RBPMS: variants seen among roughly 807,000 people sequenced by gnomAD.
The protein encoded by RBPMS is RNA binding protein, mRNA processing factor, also known as RNA-binding protein with multiple splicing.
A neutral mutation model predicts 26.8 loss-of-function variants in RBPMS; 7 were observed. That is an observed-to-expected ratio of 0.26 (90% CI 0.15 to 0.49). RBPMS has a LOEUF of 0.49. RBPMS is among the 20% of genes least tolerant of loss of function. The pLI is 0.98. For synonymous variants in RBPMS, 96 were observed against 93.3 expected, an observed-to-expected ratio of 1.03 and a Z score of -0.17; for missense variants, 186 against 250.0, an observed-to-expected ratio of 0.74 and a Z score of 1.73.
intron 8 of RBPMS, among the ~76,000 whole-genome samples, chr8:30,568,867 G>C (rs1370321989): frequency 4.6e-5 from 7 of 152,186 alleles, no homozygotes; most frequent in Non-Finnish European, 1.0e-4. Flanking sequence ...GATCATCTGT[G>C]GTAGTGTGAC....
In RBPMS at chr8:30,527,881, T is replaced by C. The variant is rs961473733; in HGVS notation, c.398-16613T>C. Among the ~76,000 whole-genome samples the C allele has an allele frequency of 3.3e-5, 5 of 152,238 alleles. 1 individual carries two copies. Among genetic ancestry groups the C allele is most frequent in the Admixed American group, 6.5e-5 (1 of 15,296 alleles). ...TCCATGGTTATAATATCCTTAAAGA[T>C]AGGTTTAAAATGGGCCAGGCATGGT... On this transcript the variant is annotated intron_variant, in intron 5 of 8. Coordinates refer to ENST00000397323, the MANE Select transcript of RBPMS (RefSeq NM_001008710.3).
At chr8:30,548,580 T>C (rs191258694) in intron 6 of RBPMS, among the ~76,000 whole-genome samples, 3 of 152,340 alleles carry the variant, frequency 2.0e-5, no homozygotes, top group Admixed American at 6.5e-5. Flanking sequence ...ACAGACTGCC[T>C]GAGGACAAGG....
chr8:30,459,108 C>G (rs1237438838), intron 1 of RBPMS, among the ~76,000 whole-genome samples: 2 of 151,804 alleles, frequency 1.3e-5, no homozygotes, highest in East Asian at 1.9e-4. Context: ...GGATTACAGG[C>G]GTGCCACCAC....
At chr8:30,392,511 G>A (rs1454184048) in intron 1 of RBPMS, among the ~76,000 whole-genome samples, 1 of 152,216 alleles carries the variant, frequency 6.6e-6, no homozygotes, top group African/African-American at 2.4e-5. Context: ...TGGGGCACCA[G>A]GGTGGATGTG....
chr8:30,499,977 C>T (rs1820381384), intron 4 of RBPMS, among the ~76,000 whole-genome samples: 2 of 151,870 alleles, frequency 1.3e-5, no homozygotes, highest in Non-Finnish European at 2.9e-5. Context: ...ACTATGTCTG[C>T]AATTTTTCTG....
At position 30,391,529 on chromosome 8, in the gene RBPMS, A is replaced by G. The variant is rs1437960333; in HGVS notation, c.66+6371A>G. On this transcript the variant is annotated intron_variant, in intron 1 of 8. Transcript: ENST00000397323. ...AAAGCTGGTGCAGAAGTGGCTGCAT[A>G]GCTCAGTGGGCTTGAGGCCATCTGG... Among the ~76,000 whole-genome samples the G allele has an allele frequency of 2.0e-5, 3 of 152,218 alleles. No individual in the cohort carries two copies. In the South Asian group the frequency reaches 6.2e-4, roughly 31 times the overall value.
chr8:30,492,430 C>CG (rs556215782), intron 4 of RBPMS, among the ~76,000 whole-genome samples: 499 of 151,954 alleles, frequency 3.3e-3, no homozygotes, highest in Non-Finnish European at 5.4e-3. Flanking sequence ...GCTGACACCA[C>CG]GCTTGTCAAC....
chr8:30,438,237 A>T (rs1180286682), intron 1 of RBPMS, among the ~76,000 whole-genome samples: 3 of 152,176 alleles, frequency 2.0e-5, no homozygotes, highest in Non-Finnish European at 4.4e-5. Flanking sequence ...CGAGCAACAG[A>T]GTGAGCCAAT....
chr8:30,427,213 G>A (rs1194617211), intron 1 of RBPMS, among the ~76,000 whole-genome samples: 2 of 152,150 alleles, frequency 1.3e-5, no homozygotes, highest in Non-Finnish European at 2.9e-5. Context: ...GCATTTGAAA[G>A]TCTTCAGAAC....
At chr8:30,544,898 C>T (rs1825745725) in intron 6 of RBPMS, 5 of 1,483,962 alleles carry the variant, frequency 3.4e-6, no homozygotes, top group Non-Finnish European at 4.5e-6. Flanking sequence ...GAGACCGGGG[C>T]AGGTTTATCC....
chr8:30,424,471 A>C (rs761319789), intron 1 of RBPMS, among the ~76,000 whole-genome samples: 1 of 152,206 alleles, frequency 6.6e-6, no homozygotes, highest in Non-Finnish European at 1.5e-5. Context: ...GTCGGTCAAT[A>C]AGCCCAGCTT....
At chr8:30,485,093 G>GT (rs1487650719) in intron 4 of RBPMS, among the ~76,000 whole-genome samples, 1 of 152,208 alleles carries the variant, frequency 6.6e-6, no homozygotes, top group African/African-American at 2.4e-5. Context: ...AGACCGTTAA[G>GT]TATGGAGGGA....
intron 4 of RBPMS, among the ~76,000 whole-genome samples, chr8:30,490,104 G>A (rs1225046780): frequency 1.3e-5 from 2 of 152,136 alleles, no homozygotes; most frequent in East Asian, 1.9e-4. Context: ...GAGCCACCAC[G>A]CCCAGCCTCT....
intron 5 of RBPMS, among the ~76,000 whole-genome samples, chr8:30,523,979 G>A (rs2150992367): frequency 6.6e-6 from 1 of 152,134 alleles, no homozygotes; most frequent in African/African-American, 2.4e-5. Context: ...CATTCAATAT[G>A]TTCCCTCTCA....
At chr8:30,442,693 C>G (rs1044875730) in intron 1 of RBPMS, 1 of 152,126 alleles carries the variant, frequency 6.6e-6, no homozygotes, top group Non-Finnish European at 1.5e-5. Flanking sequence ...GGTGCGCGGC[C>G]GCACTTCTGG....
intron 1 of RBPMS, among the ~76,000 whole-genome samples, chr8:30,447,637 A>C (rs1814029060): frequency 6.6e-6 from 1 of 152,230 alleles, no homozygotes; most frequent in South Asian, 2.1e-4. Flanking sequence ...TATATTAAGA[A>C]GTGAAACATA....
At chr8:30,485,903 C>T (rs1818718457) in intron 4 of RBPMS, among the ~76,000 whole-genome samples, 2 of 152,120 alleles carry the variant, frequency 1.3e-5, no homozygotes, top group South Asian at 2.1e-4. Context: ...AACCTCCCTA[C>T]GATTATAATA....
At chr8:30,425,214 C>G (rs771680790) in intron 1 of RBPMS, among the ~76,000 whole-genome samples, 109 of 152,206 alleles carry the variant, frequency 7.2e-4, no homozygotes, top group Non-Finnish European at 1.3e-3. Context: ...GCCTTGGCCT[C>G]TCACTCAAAG....
intron 5 of RBPMS, among the ~76,000 whole-genome samples, chr8:30,512,658 C>T (rs189115413): frequency 6.6e-5 from 10 of 152,258 alleles, no homozygotes; most frequent in African/African-American, 2.4e-4. Flanking sequence ...GATGGGATCT[C>T]GCTGTGTCTC....
Sources: gnomAD v4.1 joint callset for allele counts (sites outside exome capture counted in the v4.1 genomes callset) on GRCh38, gnomAD v4.1.1 for gene constraint, MANE v1.5 for transcripts, NCBI Gene and HGNC (gene_info 2026-07-23, HGNC 2026-07-21) for gene names.